Variants in TDRD7 observed in about 807,000 individuals in gnomAD.
The protein encoded by TDRD7 is tudor domain-containing protein 7.
Under a neutral mutation model 109.8 loss-of-function variants are expected in TDRD7, and 47 were observed. The observed-to-expected ratio is 0.43, with a 90% confidence interval of 0.34 to 0.55. TDRD7 has a LOEUF of 0.55. Ranked by LOEUF, TDRD7 falls within the 20% of genes least tolerant of loss-of-function variation. The pLI is 0.03. For missense variants in TDRD7, 1,164 were observed against 1,319.2 expected (o/e 0.88, Z 1.82); for synonymous variants, 424 against 457.3 (o/e 0.93, Z 0.93).
chr9:97,443,895 T>C (rs1226944359), intron 6 of TDRD7, among the ~76,000 whole-genome samples: 1 of 152,216 alleles, frequency 6.6e-6, no homozygotes, highest in African/African-American at 2.4e-5. Context: ...TTTAAAAATA[T>C]ACTTCACTGG....
In TDRD7 at chr9:97,478,536, C is replaced by G; in HGVS notation, c.2264C>G (p.Pro755Arg). Residue 755 changes from proline to arginine, a missense_variant, in exon 13 of 17, where the codon CCT becomes CGT. Pro to Arg is a moderately radical substitution (Grantham distance 103). Coordinates refer to ENST00000355295, the MANE Select transcript of TDRD7 (RefSeq NM_014290.3). ...GTGTCAGAGCTCAGGGAAATTCCAC[C>G]TCGGTTTCTACAAGAAATGATTGCA... ...VKVSELREIP[P>R]RFLQEMIAIP... 1 of 1,614,020 alleles carries G rather than the reference C, an allele frequency of 6.2e-7. No homozygotes were observed. The highest frequency in any genetic ancestry group is 8.5e-7 in the Non-Finnish European group (1 of 1,179,980).
intron 1 of TDRD7, among the ~76,000 whole-genome samples, chr9:97,413,770 C>T (rs1436936416): frequency 6.6e-6 from 1 of 152,178 alleles, no homozygotes; most frequent in Non-Finnish European, 1.5e-5. Flanking sequence ...GGTAGTTGCA[C>T]GGTGAGACTG....
chr9:97,479,848 TCTGA>T (rs762334141), intron 13 of TDRD7, among the ~76,000 whole-genome samples: 2 of 152,214 alleles, frequency 1.3e-5, no homozygotes, highest in Non-Finnish European at 1.5e-5. Context: ...AATTGGAAAA[TCTGA>T]CTGCTGAGCA....
intron 1 of TDRD7, among the ~76,000 whole-genome samples, chr9:97,421,071 G>T (rs1827891261): frequency 6.6e-6 from 1 of 151,044 alleles, no homozygotes; most frequent in South Asian, 2.1e-4. Flanking sequence ...GGTGGCAGAG[G>T]TTGCAGTGAG....
chr9:97,487,103 T>C, intron 15 of TDRD7, 69 bp from the exon 16 acceptor site: 1 of 1,490,590 alleles, frequency 6.7e-7, no homozygotes, highest in Non-Finnish European at 9.3e-7. Flanking sequence ...TCATAAAATA[T>C]TTCTTGCCCT....
chr9:97,439,866 C>A (rs967025344), intron 5 of TDRD7, among the ~76,000 whole-genome samples: 3 of 152,170 alleles, frequency 2.0e-5, no homozygotes, highest in Admixed American at 6.6e-5. Context: ...GTCAAAGAAT[C>A]TGAAGGTTAG....
rs1212286171 is a variant in TDRD7 at position 97,483,102 on chromosome 9, T to C, written c.2666T>C (p.Met889Thr). ...KNLTDVIKKSMVDHTSAFSTE... is the reference protein window; with the variant it reads ...KNLTDVIKKSTVDHTSAFSTE... Reference sequence around the variant, plus strand: ...CTCACAGATGTCATCAAAAAGTCCATGGTGGACCATACGAGCGCTTTCTCC... The same window carrying C: ...CTCACAGATGTCATCAAAAAGTCCACGGTGGACCATACGAGCGCTTTCTCC... Residue 889 changes from methionine (M) to threonine (T), a missense_variant, in exon 15 of 17, where the codon ATG becomes ACG. Coordinates refer to ENST00000355295, the MANE Select transcript of TDRD7 (RefSeq NM_014290.3). 5 of 1,614,132 alleles carry C rather than the reference T, an allele frequency of 3.1e-6. No individual in the cohort carries two copies. The East Asian group carries it at 8.9e-5, about 29-fold the overall frequency.
chr9:97,494,219 T>C (rs1587900136), intron 16 of TDRD7, among the ~76,000 whole-genome samples: 2 of 152,206 alleles, frequency 1.3e-5, no homozygotes, highest in Admixed American at 6.6e-5. Flanking sequence ...AACTAATAAA[T>C]GTCCATGAAA....
chr9:97,420,030 A>T (rs1321395886), intron 1 of TDRD7, among the ~76,000 whole-genome samples: 1 of 152,340 alleles, frequency 6.6e-6, no homozygotes, highest in East Asian at 1.9e-4. Flanking sequence ...GAATTTACAT[A>T]AGAGAAATAA....
At position 97,448,276 on chromosome 9, in the gene TDRD7, C is replaced by T. The variant is rs572903964; in HGVS notation, c.855+6401C>T. 7.0e-4 allele frequency among the ~76,000 whole-genome samples: 106 copies of T among 152,288 alleles called. 2 individuals are homozygous for T. Among genetic ancestry groups the T allele is most frequent in the African/African-American group, 1.2e-3 (51 of 41,560 alleles). ...GGCTGTGGTTGTAGGTGATATGGAA[C>T]GGTGGATTGGATGGGTTTAGCTCCT... On this transcript the variant is annotated intron_variant, in intron 6 of 16. Coordinates refer to ENST00000355295, the MANE Select transcript of TDRD7 (RefSeq NM_014290.3).
At chr9:97,494,146 A>G in intron 16 of TDRD7, among the ~76,000 whole-genome samples, 1 of 152,068 alleles carries the variant, frequency 6.6e-6, no homozygotes, top group Admixed American at 6.5e-5. Flanking sequence ...AAATCTTCAC[A>G]ATTTATGTTC....
rs118159366 is a variant in TDRD7, at chr9:97,435,525, G to T, written c.563+3287G>T. On this transcript the variant is annotated intron_variant, in intron 4 of 16. Transcript: ENST00000355295. ...GTGGTGTGCACCTGTAGTCTCAGCT[G>T]CTTGAGAGATTGAGGTGGGAAGATC... 7.9e-3 allele frequency among the ~76,000 whole-genome samples: 1,194 copies of T among 151,266 alleles called. 40 individuals are homozygous for T. In the East Asian group the frequency reaches 0.1, roughly 13 times the overall value.
intron 10 of TDRD7, among the ~76,000 whole-genome samples, chr9:97,473,012 T>C (rs1210023341): frequency 6.6e-6 from 1 of 152,204 alleles, no homozygotes; most frequent in African/African-American, 2.4e-5. Context: ...TGACTAAAAA[T>C]GGGTAAAATT....
At chr9:97,484,469 AACACAC>A (rs66794888) in intron 15 of TDRD7, among the ~76,000 whole-genome samples, 1 of 147,166 alleles carries the variant, frequency 6.8e-6, no homozygotes, top group East Asian at 2.0e-4. Flanking sequence ...ACCCCTCCCC[AACACAC>A]ACACACACAC....
At position 97,480,831 on chromosome 9, in the gene TDRD7, A is replaced by G. The variant is rs1432987907; in HGVS notation, c.2305A>G (p.Ile769Val). 3 of 1,613,762 alleles carry G rather than the reference A, an allele frequency of 1.9e-6. No individual in the cohort carries two copies. Among genetic ancestry groups the G allele is most frequent in the Non-Finnish European group, 2.5e-6 (3 of 1,179,676 alleles). ...TTCCATCATATTTTCTTTTCAGGCCATTAAGTGCTGTTTAGCAGATCTTCC... is the reference window on the plus strand; with the variant it reads ...TTCCATCATATTTTCTTTTCAGGCCGTTAAGTGCTGTTTAGCAGATCTTCC... ...QEMIAIPPQAIKCCLADLPQS... is the reference protein window; with the variant it reads ...QEMIAIPPQAVKCCLADLPQS... The change falls in exon 14 of 17, where the codon ATT becomes GTT. Residue 769 changes from isoleucine (I) to valine (V), a missense_variant. By Grantham distance (29) the Ile-to-Val change is conservative (BLOSUM62 3). This residue lies in a region of TDRD7 where 233 missense variants were observed against 218.0 expected (regional missense o/e 1.07). Coordinates refer to ENST00000355295, the MANE Select transcript of TDRD7 (RefSeq NM_014290.3).
Position 97,465,038 on chromosome 9 carries a change from G to A in TDRD7, c.1629+10G>A. 6.2e-7 allele frequency: 1 copy of A among 1,612,110 alleles called. No individual in the cohort carries two copies. The highest frequency in any genetic ancestry group is 8.5e-7 in the Non-Finnish European group (1 of 1,179,014). ...AGAGAACAAAATAAAGGCAAGCACTGTTTACTTTGTCATAGCATTATGGAT... is the reference window on the plus strand; with the variant it reads ...AGAGAACAAAATAAAGGCAAGCACTATTTACTTTGTCATAGCATTATGGAT... On this transcript the variant is annotated intron_variant, in intron 8 of 16. Transcript: ENST00000355295.
chr9:97,482,724 A>G (rs1470848720), intron 14 of TDRD7, 125 bp from the exon 15 acceptor site: 1 of 998,742 alleles, frequency 1.0e-6, no homozygotes, highest in Non-Finnish European at 1.5e-6. Context: ...TTTTCCTTAA[A>G]TAAAATGGAT....
intron 1 of TDRD7, among the ~76,000 whole-genome samples, chr9:97,416,199 T>C (rs1388806683): frequency 6.6e-6 from 1 of 152,214 alleles, no homozygotes; most frequent in East Asian, 1.9e-4. Flanking sequence ...AGAGTTATAG[T>C]CCTCCATGAA....
chr9:97,490,478 G>A (rs941197591), intron 16 of TDRD7, among the ~76,000 whole-genome samples: 1 of 146,306 alleles, frequency 6.8e-6, no homozygotes, highest in African/African-American at 2.5e-5. Context: ...TTTGCTTCTG[G>A]TCTCTTTCAA....
Sources: gnomAD v4.1 joint callset for allele counts (sites outside exome capture counted in the v4.1 genomes callset) on GRCh38, gnomAD v4.1.1 for gene constraint, gnomAD v4.1.1 regional missense constraint, MANE v1.5 for transcripts, NCBI Gene and HGNC (gene_info 2026-07-23, HGNC 2026-07-21) for gene names.